PCED1B: variants seen among roughly 807,000 people sequenced by gnomAD.
The protein encoded by PCED1B is PC-esterase domain-containing protein 1B.
For synonymous variants in PCED1B, 251 were observed against 246.1 expected (o/e 1.02, Z -0.19); for missense variants, 573 against 573.9 (o/e 1.00, Z 0.02).
chr12:47,138,772 C>T (rs1427287983), intron 2 of PCED1B, among the ~76,000 whole-genome samples: 3 of 152,218 alleles, frequency 2.0e-5, no homozygotes, highest in Non-Finnish European at 4.4e-5. Context: ...AACCATGCCT[C>T]CTTTTCAAGT....
intron 2 of PCED1B, among the ~76,000 whole-genome samples, chr12:47,202,497 A>T (rs888996295): frequency 1.3e-5 from 2 of 149,260 alleles, no homozygotes; most frequent in Non-Finnish European, 3.0e-5. Flanking sequence ...CACTGCTCAC[A>T]TGTCTTCTAC....
intron 2 of PCED1B, among the ~76,000 whole-genome samples, chr12:47,122,211 C>T (rs971593482): frequency 2.6e-5 from 4 of 152,066 alleles, no homozygotes; most frequent in Admixed American, 2.0e-4. Flanking sequence ...CATCTCTTGG[C>T]CTAATTACAC....
At chr12:47,101,885 G>A (rs1938722615) in intron 1 of PCED1B, among the ~76,000 whole-genome samples, 1 of 152,018 alleles carries the variant, frequency 6.6e-6, no homozygotes, top group South Asian at 2.1e-4. Flanking sequence ...GGCGGAGGTT[G>A]CAGTGAGCCG....
chr12:47,088,962 CAG>C (rs1057144209), intron 1 of PCED1B, among the ~76,000 whole-genome samples: 3 of 152,098 alleles, frequency 2.0e-5, no homozygotes, highest in Admixed American at 2.0e-4. Flanking sequence ...TTTTTAGAAA[CAG>C]AATATGCATT....
At chr12:47,145,292 G>C (rs560971151) in intron 2 of PCED1B, among the ~76,000 whole-genome samples, 8 of 152,284 alleles carry the variant, frequency 5.3e-5, no homozygotes, top group African/African-American at 1.9e-4. Context: ...AGAGAGATTG[G>C]TTCATGAGAT....
intron 1 of PCED1B, among the ~76,000 whole-genome samples, chr12:47,082,883 G>T (rs568910892): frequency 6.6e-6 from 1 of 151,734 alleles, no homozygotes; most frequent in Non-Finnish European, 1.5e-5. Context: ...AATAGGATGC[G>T]ATAGATATTC....
chr12:47,231,641 T>A (rs1341099096), intron 3 of PCED1B, among the ~76,000 whole-genome samples: 1 of 152,160 alleles, frequency 6.6e-6, no homozygotes, highest in Non-Finnish European at 1.5e-5. Flanking sequence ...CAGAGAGGCA[T>A]ATTTTGGACT....
chr12:47,182,599 A>G (rs1000815455), intron 2 of PCED1B, among the ~76,000 whole-genome samples: 3 of 152,050 alleles, frequency 2.0e-5, no homozygotes, highest in Admixed American at 1.3e-4. Context: ...TCAAAAAAAA[A>G]AAGAAAAAAA....
At chr12:47,080,864 C>CTTTTG (rs1937670495) in intron 1 of PCED1B, among the ~76,000 whole-genome samples, 1 of 152,098 alleles carries the variant, frequency 6.6e-6, no homozygotes, top group South Asian at 2.1e-4. Context: ...CTGTCTCTGT[C>CTTTTG]CCCGCCACCT....
intron 1 of PCED1B, chr12:47,080,059 C>T (rs1369422094): frequency 6.6e-6 from 1 of 152,444 alleles, no homozygotes; most frequent in Non-Finnish European, 1.5e-5. Flanking sequence ...CATACCGCCC[C>T]GCGGCCTCGC....
intron 2 of PCED1B, among the ~76,000 whole-genome samples, chr12:47,190,690 T>C (rs1165969415): frequency 6.6e-6 from 1 of 152,260 alleles, no homozygotes; most frequent in African/African-American, 2.4e-5. Flanking sequence ...CTCTGCATGT[T>C]ATCTCATACT....
intron 2 of PCED1B, among the ~76,000 whole-genome samples, chr12:47,192,871 T>C (rs1942488532): frequency 6.6e-6 from 1 of 152,224 alleles, no homozygotes; most frequent in Non-Finnish European, 1.5e-5. Flanking sequence ...GAGATTAATT[T>C]GTCTAAGATC....
chr12:47,229,295 T>A (rs1053255641), intron 3 of PCED1B, among the ~76,000 whole-genome samples: 1 of 151,530 alleles, frequency 6.6e-6, no homozygotes, highest in Non-Finnish European at 1.5e-5. Context: ...ACGTCTGTAG[T>A]CCTAGCTACT....
intron 2 of PCED1B, among the ~76,000 whole-genome samples, chr12:47,203,389 C>A (rs1366124423): frequency 6.6e-6 from 1 of 152,054 alleles, no homozygotes; most frequent in Non-Finnish European, 1.5e-5. Context: ...TCATTGGCTG[C>A]ACAGATCATC....
chr12:47,126,055 T>C (rs79019164), intron 2 of PCED1B, among the ~76,000 whole-genome samples: 3,475 of 152,168 alleles, frequency 0.023, 107 homozygotes, highest in East Asian at 0.076. Context: ...ATAGAAGTGG[T>C]AAGAGTGAAC....
intron 1 of PCED1B, among the ~76,000 whole-genome samples, chr12:47,099,747 G>A (rs1247455304): frequency 6.6e-6 from 1 of 152,196 alleles, no homozygotes; most frequent in Non-Finnish European, 1.5e-5. Context: ...AAAAAAGACT[G>A]AGAGGTGGCC....
intron 2 of PCED1B, among the ~76,000 whole-genome samples, chr12:47,208,222 A>G (rs911410345): frequency 1.3e-5 from 2 of 148,396 alleles, no homozygotes; most frequent in African/African-American, 4.9e-5. Flanking sequence ...GGTGCTGTAA[A>G]CTTAGCCATT....
At chr12:47,132,770 G>C (rs1198955310) in intron 2 of PCED1B, among the ~76,000 whole-genome samples, 1 of 152,212 alleles carries the variant, frequency 6.6e-6, no homozygotes, top group African/African-American at 2.4e-5. Context: ...ATGAGCTTCT[G>C]AGGCAGGAGA....
intron 2 of PCED1B, among the ~76,000 whole-genome samples, chr12:47,118,434 T>C (rs1187259023): frequency 6.6e-6 from 1 of 152,218 alleles, no homozygotes; most frequent in Non-Finnish European, 1.5e-5. Flanking sequence ...CCAGCACCAT[T>C]TATTAAATAA....
Sources: allele counts gnomAD v4.1 joint callset (sites outside exome capture counted in the v4.1 genomes callset), GRCh38; gene constraint gnomAD v4.1.1; transcripts MANE v1.5; gene names NCBI Gene and HGNC (gene_info 2026-07-23, HGNC 2026-07-21).